The following MAST4 variants were observed in gnomAD, a reference collection of about 807,000 sequenced individuals.
MAST4 encodes the protein microtubule-associated serine/threonine-protein kinase 4.
A neutral mutation model predicts 162.7 loss-of-function variants in MAST4; 89 were observed. The ratio of observed to expected loss-of-function variants is 0.55; its 90% CI spans 0.46 to 0.65. The LOEUF (loss-of-function observed/expected upper bound fraction) is 0.65. MAST4 is among the 30% of genes least tolerant of loss of function. MAST4 has a pLI of 0.00. For missense variants in MAST4, 3,153 were observed against 3,374.0 expected (o/e 0.93, Z 1.62); for synonymous variants, 1,479 against 1,361.1 (o/e 1.09, Z -1.91).
At chr5:66,873,436 G>C (rs1761081370) in intron 3 of MAST4, among the ~76,000 whole-genome samples, 1 of 152,108 alleles carries the variant, frequency 6.6e-6, no homozygotes. Flanking sequence ...ACAAATTACA[G>C]GTTCCTATAT....
At chr5:66,698,259 C>T (rs1197245872) in intron 1 of MAST4, among the ~76,000 whole-genome samples, 2 of 151,980 alleles carry the variant, frequency 1.3e-5, no homozygotes, top group African/African-American at 2.4e-5. Flanking sequence ...GCTGAGTAAT[C>T]AATCTCACTG....
chr5:66,806,140 C>T (rs1041947132), intron 3 of MAST4, among the ~76,000 whole-genome samples: 1 of 152,186 alleles, frequency 6.6e-6, no homozygotes, highest in African/African-American at 2.4e-5. Flanking sequence ...AGAACATCCT[C>T]TGCCTCTTGT....
At chr5:66,680,742 C>T (rs1561258037) in intron 1 of MAST4, among the ~76,000 whole-genome samples, 1 of 152,114 alleles carries the variant, frequency 6.6e-6, no homozygotes, top group African/African-American at 2.4e-5. Flanking sequence ...GTGTCACCCC[C>T]CAAAAAAGGC....
At chr5:66,792,642 C>T (rs1017114838) in intron 3 of MAST4, 1 of 152,082 alleles carries the variant, frequency 6.6e-6, no homozygotes, top group African/African-American at 2.4e-5. Flanking sequence ...TATGGCTTTG[C>T]TGTCCAGTGT....
chr5:66,731,320 AG>A (rs1217012083), intron 1 of MAST4, among the ~76,000 whole-genome samples: 2 of 152,190 alleles, frequency 1.3e-5, no homozygotes, highest in African/African-American at 4.8e-5. Flanking sequence ...ATATAGAACA[AG>A]GTGTTTCAGT....
chr5:66,929,334 A>G (rs986275547), intron 4 of MAST4, among the ~76,000 whole-genome samples: 6 of 152,148 alleles, frequency 3.9e-5, no homozygotes, highest in African/African-American at 1.4e-4. Flanking sequence ...ACCTTTCCTC[A>G]GTCTTTTTTG....
At chr5:67,116,020 C>G (rs1215047360) in intron 12 of MAST4, among the ~76,000 whole-genome samples, 1 of 152,130 alleles carries the variant, frequency 6.6e-6, no homozygotes, top group Admixed American at 6.5e-5. Context: ...CTGGCAATCA[C>G]TGTAGGCTGA....
chr5:67,124,972 G>A (rs1670830502), intron 14 of MAST4, among the ~76,000 whole-genome samples: 1 of 152,120 alleles, frequency 6.6e-6, no homozygotes. Flanking sequence ...ATATTGCAGA[G>A]CAGTTATTTA....
chr5:66,785,722 C>T (rs1348568808), intron 2 of MAST4, among the ~76,000 whole-genome samples: 3 of 152,138 alleles, frequency 2.0e-5, no homozygotes, highest in African/African-American at 7.2e-5. Flanking sequence ...GGTTTCCCTG[C>T]ATTTCAGTCA....
At position 66,605,833 on chromosome 5, in the gene MAST4, C is replaced by G. The variant is rs1742847594; in HGVS notation, c.363+8815C>G. 2.6e-5 allele frequency among the ~76,000 whole-genome samples: 4 copies of G among 152,140 alleles called. No homozygotes were observed. The South Asian group carries it at 8.3e-4, about 32-fold the overall frequency. On this transcript the variant is annotated intron_variant, in intron 1 of 28. Transcript: ENST00000403625. ...ACTCTTGATTTTTCTCCTTAGAAAC[C>G]TCAATATCGTTTTTGTTTTCAAGAT...
chr5:67,014,434 A>G (rs1180745392), intron 4 of MAST4, among the ~76,000 whole-genome samples: 1 of 152,204 alleles, frequency 6.6e-6, no homozygotes, highest in African/African-American at 2.4e-5. Context: ...AGTTCTTGTT[A>G]TGGATTCTGC....
At chr5:66,749,411 A>G (rs1295652217) in intron 1 of MAST4, among the ~76,000 whole-genome samples, 1 of 152,220 alleles carries the variant, frequency 6.6e-6, no homozygotes, top group Non-Finnish European at 1.5e-5. Flanking sequence ...TGTGCTCTGG[A>G]ATACAGGTAT....
At chr5:67,141,618 C>A (rs1009309362) in intron 19 of MAST4, among the ~76,000 whole-genome samples, 6 of 152,188 alleles carry the variant, frequency 3.9e-5, no homozygotes, top group African/African-American at 1.4e-4. Context: ...GAATCTAATT[C>A]TTATCTATGT....
chr5:67,136,530 A>T, intron 18 of MAST4, 33 bp from the exon 19 acceptor site: 1 of 1,514,652 alleles, frequency 6.6e-7, no homozygotes, highest in Non-Finnish European at 9.0e-7. Context: ...TCTTGTGAAC[A>T]ATATGGTTAT....
At position 66,596,623 on chromosome 5, in the gene MAST4, C is replaced by A; in HGVS notation, c.-33C>A. 7.1e-7 allele frequency: 1 copy of A among 1,399,962 alleles called. No individual in the cohort carries two copies. The highest frequency in any genetic ancestry group is 1.7e-5 in the South Asian group (1 of 59,730). The allele number at this position is 1,399,962 out of a possible 1,614,324, so 86.7% of individuals were successfully genotyped here. Reference sequence around the variant, plus strand: ...GCGCTGAGTGCGCGCCGCGCCCCCGCCGCTCGGGAGGCACTTTGGGCCAGA... The same window carrying A: ...GCGCTGAGTGCGCGCCGCGCCCCCGACGCTCGGGAGGCACTTTGGGCCAGA... On this transcript the variant is annotated 5_prime_UTR_variant, in exon 1 of 29. Transcript: ENST00000403625.
chr5:66,886,071 C>T (rs923571211), intron 3 of MAST4, among the ~76,000 whole-genome samples: 1 of 152,112 alleles, frequency 6.6e-6, no homozygotes, highest in African/African-American at 2.4e-5. Flanking sequence ...TATGGAAAGT[C>T]GAGGCTGGCA....
At chr5:66,884,065 C>G (rs1761885143) in intron 3 of MAST4, among the ~76,000 whole-genome samples, 2 of 152,154 alleles carry the variant, frequency 1.3e-5, no homozygotes, top group African/African-American at 4.8e-5. Context: ...AACTTAGTCT[C>G]CATTTTTCTT....
rs1387118686 is a variant in MAST4 at position 67,149,550 on chromosome 5, T to C, written c.3256T>C (p.Ser1086Pro). The C allele has an allele frequency of 1.2e-6, 2 of 1,613,660 alleles. No individual in the cohort carries two copies. The highest frequency in any genetic ancestry group is 1.7e-6 in the Non-Finnish European group (2 of 1,179,850). The change falls in exon 24 of 29, where the codon TCC (serine) becomes CCC (proline). Residue 1086 changes from serine (S) to proline (P), a missense_variant. This residue lies in a region of MAST4 where 619 missense variants were observed against 744.2 expected (regional missense o/e 0.83). Coordinates refer to ENST00000403625, the MANE Select transcript of MAST4 (RefSeq NM_001164664.2). ...GAAAATCTCGGGGAAAGTCACAAAG[T>C]CCCTCTCTGCCAGTGCTCTTTCCCT... ...KKKISGKVTKSLSASALSLMI... is the reference protein window; with the variant it reads ...KKKISGKVTKPLSASALSLMI...
chr5:66,685,970 T>G (rs181459681), intron 1 of MAST4, among the ~76,000 whole-genome samples: 4 of 152,132 alleles, frequency 2.6e-5, no homozygotes, highest in South Asian at 4.2e-4. Context: ...ACACAACCTA[T>G]GAGAATTTAT....
Sources: gnomAD v4.1 joint callset for allele counts (sites outside exome capture counted in the v4.1 genomes callset) on GRCh38, gnomAD v4.1.1 for gene constraint, gnomAD v4.1.1 regional missense constraint, MANE v1.5 for transcripts, NCBI Gene and HGNC (gene_info 2026-07-23, HGNC 2026-07-21) for gene names.